Variants in RXFP1 observed in about 807,000 individuals in gnomAD.
RXFP1 encodes the protein relaxin family peptide receptor 1.
Under a neutral mutation model 89.8 loss-of-function variants are expected in RXFP1, and 73 were observed. That is an observed-to-expected ratio of 0.81 (90% confidence interval 0.67 to 0.99). The LOEUF (loss-of-function observed/expected upper bound fraction) is 0.99. Ranked by LOEUF, RXFP1 falls within the 50% of genes least tolerant of loss-of-function variation. The pLI is 0.00. For missense variants in RXFP1, 793 were observed against 895.5 expected (o/e 0.89, Z 1.46); for synonymous variants, 277 against 305.5 (o/e 0.91, Z 0.97).
chr4:158,623,920 C>T (rs1418076846), intron 9 of RXFP1, among the ~76,000 whole-genome samples: 3 of 152,102 alleles, frequency 2.0e-5, no homozygotes, highest in Non-Finnish European at 2.9e-5. Context: ...ATGAAAGATC[C>T]TGGGTTTCTA....
At chr4:158,584,767 TA>T (rs1757985188) in intron 2 of RXFP1, among the ~76,000 whole-genome samples, 1 of 152,136 alleles carries the variant, frequency 6.6e-6, no homozygotes, top group African/African-American at 2.4e-5. Flanking sequence ...AATGCTAATC[TA>T]ATAAGTAGGA....
intron 2 of RXFP1, among the ~76,000 whole-genome samples, chr4:158,573,902 C>G (rs906686601): frequency 7.9e-5 from 12 of 152,126 alleles, no homozygotes; most frequent in African/African-American, 2.7e-4. Flanking sequence ...GTTGCCCTTT[C>G]TTATCTTTTG....
chr4:158,616,505 C>A (rs1252500435), intron 8 of RXFP1, among the ~76,000 whole-genome samples: 5 of 149,320 alleles, frequency 3.3e-5, no homozygotes, highest in Non-Finnish European at 1.5e-5. Context: ...AAAAAAAATG[C>A]CTTTAAATCA....
At position 158,572,691 on chromosome 4, in the gene RXFP1, T is replaced by G. The variant is rs1296172157; in HGVS notation, c.50-7T>G. ...TCAAACTTTGTGTCTTCTCCCCTTTTCCTCAGTTTCTCATGGGGGTGGACA... is the reference window on the plus strand; with the variant it reads ...TCAAACTTTGTGTCTTCTCCCCTTTGCCTCAGTTTCTCATGGGGGTGGACA... On this transcript the variant is annotated splice_polypyrimidine_tract_variant and splice_region_variant and intron_variant, in intron 1 of 17. Coordinates refer to ENST00000307765, the MANE Select transcript of RXFP1 (RefSeq NM_021634.4). 1 of 1,614,076 alleles carries G rather than the reference T, an allele frequency of 6.2e-7. No individual in the cohort carries two copies. Among genetic ancestry groups the G allele is most frequent in the South Asian group, 1.1e-5 (1 of 91,076 alleles).
chr4:158,569,089 CA>C (rs1255775044), intron 1 of RXFP1, among the ~76,000 whole-genome samples: 4 of 152,168 alleles, frequency 2.6e-5, no homozygotes, highest in African/African-American at 9.7e-5. Flanking sequence ...GTGGCCAACA[CA>C]AAAACCTGCA....
At chr4:158,636,788 C>A (rs751497026) in intron 12 of RXFP1, among the ~76,000 whole-genome samples, 9 of 152,186 alleles carry the variant, frequency 5.9e-5, no homozygotes, top group Admixed American at 2.0e-4. Context: ...TAGCAATTTT[C>A]AAGAATACAA....
intron 1 of RXFP1, among the ~76,000 whole-genome samples, chr4:158,566,753 T>C (rs1753639193): frequency 1.3e-5 from 2 of 152,262 alleles, no homozygotes; most frequent in African/African-American, 4.8e-5. Context: ...TAGAACTAAT[T>C]TCATGATACC....
At chr4:158,589,717 C>T (rs960733466) in intron 2 of RXFP1, among the ~76,000 whole-genome samples, 1 of 152,086 alleles carries the variant, frequency 6.6e-6, no homozygotes, top group Non-Finnish European at 1.5e-5. Flanking sequence ...CAGTGCAATT[C>T]ACAAGGTCTG....
At chr4:158,639,235 T>G (rs1345128089) in intron 13 of RXFP1, 25 bp from the exon 14 acceptor site, 1 of 1,290,030 alleles carries the variant, frequency 7.8e-7, no homozygotes, top group Admixed American at 1.7e-5. Context: ...GTTCCTTTGA[T>G]TGATTATTAA....
At chr4:158,532,925 G>A (rs569696489) in intron 1 of RXFP1, among the ~76,000 whole-genome samples, 1 of 152,168 alleles carries the variant, frequency 6.6e-6, no homozygotes, top group Non-Finnish European at 1.5e-5. Flanking sequence ...CTTCTGCTTA[G>A]GCAGTCCCCC....
rs2150263474 is a variant in RXFP1, at chr4:158,646,846, G to A, written c.1401G>A (p.Lys467=). Residue 467 remains lysine, a synonymous_variant, in exon 16 of 18, where the codon AAG becomes AAA. Coordinates refer to ENST00000307765, the MANE Select transcript of RXFP1 (RefSeq NM_021634.4). The stretch of plus-strand genomic sequence containing the variant: ...TCGTGATCGGAGGCTTTGACCTAAA[G>A]TTTCGTGGAGAATACAATAAGCATG... ...YLFVIGGFDL[K]FRGEYNKHAQ... 1.2e-6 allele frequency: 2 copies of A among 1,614,104 alleles called. No individual in the cohort carries two copies. The highest frequency in any genetic ancestry group is 1.3e-5 in the African/African-American group (1 of 75,048).
chr4:158,523,717 C>T (rs1275074146), intron 1 of RXFP1, among the ~76,000 whole-genome samples: 1 of 152,168 alleles, frequency 6.6e-6, no homozygotes, highest in Non-Finnish European at 1.5e-5. Context: ...TGGGGGAACA[C>T]TTGTCAGGGA....
chr4:158,620,707 G>A (rs1332150036), intron 9 of RXFP1, among the ~76,000 whole-genome samples: 3 of 152,072 alleles, frequency 2.0e-5, no homozygotes, highest in Non-Finnish European at 4.4e-5. Flanking sequence ...ATAATAAAAA[G>A]ATCAATTAAG....
intron 1 of RXFP1, among the ~76,000 whole-genome samples, chr4:158,524,732 A>G (rs1288411156): frequency 1.3e-5 from 2 of 152,216 alleles, no homozygotes; most frequent in Non-Finnish European, 2.9e-5. Flanking sequence ...TTGTAAGTAT[A>G]TATTTCAAAA....
Position 158,605,035 on chromosome 4 carries a change from A to G in RXFP1, c.393-33A>G, listed in dbSNP as rs1762320030. 2.3e-6 allele frequency: 3 copies of G among 1,282,004 alleles called. No individual in the cohort carries two copies. In the East Asian group the frequency reaches 7.0e-5, roughly 30 times the overall value. The allele number at this position is 1,282,004 out of a possible 1,614,324, so 79.4% of individuals were successfully genotyped here. ...TGTAATTTAAAAGTAAAGGAAAAACAACTTTAAGAATCAAAATTTACATTT... is the reference window on the plus strand; with the variant it reads ...TGTAATTTAAAAGTAAAGGAAAAACGACTTTAAGAATCAAAATTTACATTT... On this transcript the variant is annotated intron_variant, in intron 4 of 17. Coordinates refer to ENST00000307765, the MANE Select transcript of RXFP1 (RefSeq NM_021634.4).
chr4:158,602,001 A>G (rs1269044258), intron 4 of RXFP1, among the ~76,000 whole-genome samples: 1 of 152,252 alleles, frequency 6.6e-6, no homozygotes, highest in Non-Finnish European at 1.5e-5. Flanking sequence ...TAGCTTTGAC[A>G]ATAATGATTA....
chr4:158,617,426 A>ATAT (rs1554017038), intron 9 of RXFP1, among the ~76,000 whole-genome samples: 170 of 149,234 alleles, frequency 1.1e-3, no homozygotes, highest in Admixed American at 3.1e-3. Flanking sequence ...TCTCAAAAAA[A>ATAT]ATATATATAT....
rs1295310623 is a variant in RXFP1 at position 158,652,818 on chromosome 4, C to T, written c.*763C>T. On this transcript the variant is annotated 3_prime_UTR_variant, in exon 18 of 18. Transcript: ENST00000307765. ...AAACTAGAATGAGGATAAACATTTA[C>T]ATTAGTGGAAACTCCTGAAATAAAT... 1 of 152,184 alleles carries T rather than the reference C, an allele frequency of 6.6e-6. No individual in the cohort carries two copies. Among genetic ancestry groups the T allele is most frequent in the Non-Finnish European group, 1.5e-5 (1 of 68,032 alleles). The allele number at this position is 152,184 out of a possible 1,614,324, so 9.4% of individuals were successfully genotyped here. A position where few individuals can be genotyped will look rare whatever the true frequency, so the allele number is the denominator to read the frequency against.
chr4:158,611,346 A>G (rs958992906), intron 6 of RXFP1, among the ~76,000 whole-genome samples: 7 of 152,212 alleles, frequency 4.6e-5, no homozygotes, highest in African/African-American at 1.7e-4. Context: ...ACAATAGAAC[A>G]AAGAGTTATT....
Sources: gnomAD v4.1 joint callset for allele counts (sites outside exome capture counted in the v4.1 genomes callset) on GRCh38, gnomAD v4.1.1 for gene constraint, MANE v1.5 for transcripts, NCBI Gene and HGNC (gene_info 2026-07-23, HGNC 2026-07-21) for gene names.